PEX14: variants seen among roughly 807,000 people sequenced by gnomAD.
PEX14 encodes peroxisomal membrane protein PEX14.
Under a neutral mutation model 49.5 loss-of-function variants are expected in PEX14, and 15 were observed. The ratio of observed to expected loss-of-function variants is 0.30; its 90% CI spans 0.20 to 0.47. The LOEUF (loss-of-function observed/expected upper bound fraction) is 0.47, where lower values mean the gene tolerates loss of function less well. Ranked by LOEUF, PEX14 falls within the 20% of genes least tolerant of loss-of-function variation. The pLI, the probability that PEX14 is intolerant of heterozygous loss-of-function variation, is 1.00. For missense variants in PEX14, 398 were observed against 494.8 expected (o/e 0.80, Z 1.86); for synonymous variants, 210 against 212.7 (o/e 0.99, Z 0.11).
At position 10,623,129 on chromosome 1, in the gene PEX14, T is replaced by C; in HGVS notation, c.487+8T>C. The C allele has an allele frequency of 1.3e-6, 2 of 1,594,586 alleles. No individual in the cohort carries two copies. Among genetic ancestry groups the C allele is most frequent in the Non-Finnish European group, 1.7e-6 (2 of 1,163,266 alleles). ...GCAGCGTGGCCCAGACAGGTAAAGA[T>C]TAATGACTCCATCAAGTCACCCCTC... On this transcript the variant is annotated splice_region_variant and intron_variant, in intron 6 of 8. Coordinates refer to ENST00000356607, the MANE Select transcript of PEX14 (RefSeq NM_004565.3). The surrounding 1 kb of genome is among the most constrained non-coding windows in gnomAD (Gnocchi z 4.4).
At position 10,494,636 on chromosome 1, in the gene PEX14, G is replaced by A. The variant is rs1227124435; in HGVS notation, c.37-638G>A. Reference sequence around the variant, plus strand: ...CACAGTGCTGCCTGCTCGCCTGGAGGTTGGTCTGCTTATATGCCAGCCTGT... The same window carrying A: ...CACAGTGCTGCCTGCTCGCCTGGAGATTGGTCTGCTTATATGCCAGCCTGT... On this transcript the variant is annotated intron_variant, in intron 1 of 8. Transcript: ENST00000356607. This position sits in a 1 kb window ranked among gnomAD's most constrained non-coding sequence, Gnocchi z 4.3. Among the ~76,000 whole-genome samples the A allele has an allele frequency of 6.6e-6, 1 of 152,208 alleles. No homozygotes were observed.
At chr1:10,552,723 ATAT>A (rs899626100) in intron 3 of PEX14, among the ~76,000 whole-genome samples, 6 of 152,224 alleles carry the variant, frequency 3.9e-5, no homozygotes, top group African/African-American at 1.4e-4. Flanking sequence ...GGGTGATAAA[ATAT>A]TATAGGTGCT....
At chr1:10,595,062 G>A (rs1384283505) in intron 3 of PEX14, among the ~76,000 whole-genome samples, 1 of 152,010 alleles carries the variant, frequency 6.6e-6, no homozygotes. Flanking sequence ...CCCTGGAGAA[G>A]AGATGCTTGG....
At chr1:10,620,127 G>C (rs1641546753) in intron 5 of PEX14, among the ~76,000 whole-genome samples, 1 of 151,546 alleles carries the variant, frequency 6.6e-6, no homozygotes, top group South Asian at 2.1e-4. Flanking sequence ...AAAAGAAAAA[G>C]AAAAAGAAAA....
intron 2 of PEX14, among the ~76,000 whole-genome samples, chr1:10,496,209 G>GATC (rs1480278939): frequency 6.6e-6 from 1 of 152,210 alleles, no homozygotes; most frequent in Non-Finnish European, 1.5e-5. Flanking sequence ...GGGCGAGTTG[G>GATC]ATCCAGTTGA....
rs547008309 is a variant in PEX14, at chr1:10,586,621, C to T, written c.170-12617C>T. ...AAGCATAATGTTGAACAAAAGGAGCCGTTTACCTTTTTTTTTTTTTTTTTT... is the reference window on the plus strand; with the variant it reads ...AAGCATAATGTTGAACAAAAGGAGCTGTTTACCTTTTTTTTTTTTTTTTTT... On this transcript the variant is annotated intron_variant, in intron 3 of 8. Transcript: ENST00000356607. Among the ~76,000 whole-genome samples, 9 of 140,550 alleles carry T rather than the reference C, an allele frequency of 6.4e-5. No individual in the cohort carries two copies. In the South Asian group the frequency reaches 6.9e-4, roughly 11 times the overall value. The allele number at this position is 140,550 out of a possible 152,430, so 92.2% of individuals were successfully genotyped here. A position where few individuals can be genotyped will look rare whatever the true frequency, so the allele number is the denominator to read the frequency against.
chr1:10,625,739 A>G (rs1201955264), intron 7 of PEX14, among the ~76,000 whole-genome samples: 1 of 152,244 alleles, frequency 6.6e-6, no homozygotes, highest in Non-Finnish European at 1.5e-5. Context: ...GCCTGTGGCC[A>G]GAAGCCATTC....
chr1:10,568,418 C>T (rs982172715), intron 3 of PEX14, among the ~76,000 whole-genome samples: 3 of 143,066 alleles, frequency 2.1e-5, no homozygotes, highest in African/African-American at 5.3e-5. Flanking sequence ...GAATGGATAT[C>T]GAATTATATC....
intron 3 of PEX14, among the ~76,000 whole-genome samples, chr1:10,571,460 G>T (rs1221435353): frequency 6.6e-6 from 1 of 152,086 alleles, no homozygotes; most frequent in African/African-American, 2.4e-5. Flanking sequence ...GATGGATGGT[G>T]GTGATGGTTG....
At chr1:10,593,748 TA>T (rs1312346373) in intron 3 of PEX14, among the ~76,000 whole-genome samples, 2 of 152,194 alleles carry the variant, frequency 1.3e-5, no homozygotes, top group Non-Finnish European at 2.9e-5. Context: ...TGATATATAA[TA>T]TTTTTTTTGT....
chr1:10,549,769 C>T (rs1639284008), intron 3 of PEX14, among the ~76,000 whole-genome samples: 1 of 152,148 alleles, frequency 6.6e-6, no homozygotes, highest in African/African-American at 2.4e-5. Flanking sequence ...TGTTGGCACT[C>T]AAAACGTTTC....
At chr1:10,584,892 G>A (rs1640434635) in intron 3 of PEX14, among the ~76,000 whole-genome samples, 1 of 152,198 alleles carries the variant, frequency 6.6e-6, no homozygotes, top group Non-Finnish European at 1.5e-5. Context: ...AATATTGACT[G>A]TGTAAAATAA....
At chr1:10,563,323 G>GC (rs1171872620) in intron 3 of PEX14, among the ~76,000 whole-genome samples, 1 of 151,692 alleles carries the variant, frequency 6.6e-6, no homozygotes, top group Non-Finnish European at 1.5e-5. Context: ...TTTCAGGCCG[G>GC]GCGCGGTTGC....
intron 2 of PEX14, among the ~76,000 whole-genome samples, chr1:10,530,197 A>C (rs533019567): frequency 6.6e-6 from 1 of 152,180 alleles, no homozygotes; most frequent in African/African-American, 2.4e-5. Flanking sequence ...AAAGAGTACA[A>C]AAAAAATTCC....
At chr1:10,555,821 G>C (rs930282122) in intron 3 of PEX14, among the ~76,000 whole-genome samples, 31 of 152,170 alleles carry the variant, frequency 2.0e-4, no homozygotes, top group Non-Finnish European at 4.4e-5. Context: ...CTCACCTGTG[G>C]CCGGGCGTTG....
intron 3 of PEX14, among the ~76,000 whole-genome samples, chr1:10,543,970 C>T (rs1363208111): frequency 2.0e-5 from 3 of 152,120 alleles, no homozygotes; most frequent in Non-Finnish European, 4.4e-5. Context: ...CTTGGCCTGG[C>T]AATAATAAGA....
At chr1:10,610,074 A>T (rs972579522) in intron 4 of PEX14, among the ~76,000 whole-genome samples, 15 of 148,096 alleles carry the variant, frequency 1.0e-4, no homozygotes, top group African/African-American at 3.7e-4. Flanking sequence ...ATTCATATAT[A>T]ATTTATATAT....
At chr1:10,615,313 T>C (rs977244531) in intron 4 of PEX14, among the ~76,000 whole-genome samples, 1 of 152,170 alleles carries the variant, frequency 6.6e-6, no homozygotes, top group African/African-American at 2.4e-5. Context: ...CCCTGCTATA[T>C]AAAAAGTCTC....
At chr1:10,479,076 TTTG>T (rs1276972346) in intron 1 of PEX14, among the ~76,000 whole-genome samples, 2 of 151,826 alleles carry the variant, frequency 1.3e-5, no homozygotes, top group African/African-American at 4.8e-5. Context: ...TAAAACAATT[TTTG>T]TAGTGGTGAG....
Sources: allele counts gnomAD v4.1 joint callset (sites outside exome capture counted in the v4.1 genomes callset), GRCh38; gene constraint gnomAD v4.1.1; non-coding constraint Gnocchi (gnomAD v3.1); transcripts MANE v1.5; gene names NCBI Gene and HGNC (gene_info 2026-07-23, HGNC 2026-07-21).